LYPLAL1: variants seen among roughly 807,000 people sequenced by gnomAD.
The protein encoded by LYPLAL1 is lysophospholipase like 1, also known as lysophospholipase-like protein 1.
Under a neutral mutation model 19.7 loss-of-function variants are expected in LYPLAL1, and 23 were observed. That is an observed-to-expected ratio of 1.17 (90% CI 0.84 to 1.65). The LOEUF (loss-of-function observed/expected upper bound fraction) is 1.65, where lower values mean the gene tolerates loss of function less well. Ranked by LOEUF, LYPLAL1 falls within the 40% of genes most tolerant of loss-of-function variation. The pLI, the probability that LYPLAL1 is intolerant of heterozygous loss-of-function variation, is 0.00. For missense variants in LYPLAL1, 355 were observed against 279.4 expected, an observed-to-expected ratio of 1.27 and a Z score of -1.93; for synonymous variants, 119 against 96.3, an observed-to-expected ratio of 1.24 and a Z score of -1.38.
At chr1:219,333,067 C>T in the LYPLAL1 span, among the ~76,000 whole-genome samples, 1 of 152,018 alleles carries the variant, frequency 6.6e-6, no homozygotes, top group African/African-American at 2.4e-5. Context: ...GGTCATGTCC[C>T]TCTTACACTT....
At chr1:219,221,534 T>C in the LYPLAL1 span, among the ~76,000 whole-genome samples, 2 of 152,158 alleles carry the variant, frequency 1.3e-5, no homozygotes, top group Non-Finnish European at 2.9e-5. Flanking sequence ...ACAGTTCCCC[T>C]GGGGGTCGGG....
downstream of LYPLAL1, among the ~76,000 whole-genome samples, chr1:219,214,855 A>G (rs891149297): frequency 1.3e-5 from 2 of 151,748 alleles, no homozygotes; most frequent in Non-Finnish European, 1.5e-5. Flanking sequence ...ATCCCCAGCT[A>G]GTTTTTGTAT....
At chr1:219,323,353 G>A in the LYPLAL1 span, among the ~76,000 whole-genome samples, 1 of 152,170 alleles carries the variant, frequency 6.6e-6, no homozygotes, top group African/African-American at 2.4e-5. Flanking sequence ...CCTGTCAATA[G>A]TCCTGGTTTC....
At chr1:219,383,549 A>G in the LYPLAL1 span, among the ~76,000 whole-genome samples, 2 of 152,222 alleles carry the variant, frequency 1.3e-5, no homozygotes, top group South Asian at 4.1e-4. Context: ...CTTGAATTAC[A>G]TTCCCTAATA....
intron 2 of LYPLAL1, among the ~76,000 whole-genome samples, chr1:219,192,072 T>G (rs1657229028): frequency 6.6e-6 from 1 of 151,468 alleles, no homozygotes; most frequent in Non-Finnish European, 1.5e-5. Context: ...ATGGTGTAAT[T>G]TTGTTCCCTT....
chr1:219,223,527 CATT>C, the LYPLAL1 span, among the ~76,000 whole-genome samples: 2 of 152,090 alleles, frequency 1.3e-5, no homozygotes, highest in African/African-American at 4.8e-5. Flanking sequence ...GCTATCCTCT[CATT>C]ATTATGTGCT....
At chr1:219,276,449 GT>G in the LYPLAL1 span, among the ~76,000 whole-genome samples, 1 of 152,230 alleles carries the variant, frequency 6.6e-6, no homozygotes, top group East Asian at 1.9e-4. Flanking sequence ...AGCCAAGAAC[GT>G]TTCTTTATAA....
At chr1:219,201,520 G>A (rs1004063688) in intron 3 of LYPLAL1, among the ~76,000 whole-genome samples, 2 of 151,430 alleles carry the variant, frequency 1.3e-5, no homozygotes, top group Non-Finnish European at 2.9e-5. Context: ...ATTTCTTTTT[G>A]GAAGATATGT....
the LYPLAL1 span, among the ~76,000 whole-genome samples, chr1:219,367,764 T>C: frequency 6.6e-6 from 1 of 152,238 alleles, no homozygotes; most frequent in African/African-American, 2.4e-5. Context: ...TGGAGCTTTC[T>C]AGAGTTCCTA....
chr1:219,202,887 A>C (rs571641039), intron 3 of LYPLAL1, among the ~76,000 whole-genome samples: 2 of 151,142 alleles, frequency 1.3e-5, no homozygotes, highest in African/African-American at 4.9e-5. Context: ...GAGTCTCTCT[A>C]TGTTGCCCAG....
intron 3 of LYPLAL1, among the ~76,000 whole-genome samples, chr1:219,201,289 AAAAT>A (rs1299934489): frequency 6.6e-6 from 1 of 151,842 alleles, no homozygotes; most frequent in Non-Finnish European, 1.5e-5. Context: ...GGGTGAATAT[AAAAT>A]AAATTTTCTA....
chr1:219,333,243 C>T, the LYPLAL1 span, among the ~76,000 whole-genome samples: 1 of 152,050 alleles, frequency 6.6e-6, no homozygotes, highest in Admixed American at 6.6e-5. Flanking sequence ...TGCCATATAA[C>T]ACAACAAAGT....
chr1:219,238,304 ATTTTTTTTTTTT>A, the LYPLAL1 span, among the ~76,000 whole-genome samples: 2 of 81,904 alleles, frequency 2.4e-5, no homozygotes, highest in Non-Finnish European at 4.3e-5. Flanking sequence ...CGCCCGGCTA[ATTTTTTTTTTTT>A]TTTTTTTTTT....
At chr1:219,399,701 T>C in the LYPLAL1 span, among the ~76,000 whole-genome samples, 2 of 152,084 alleles carry the variant, frequency 1.3e-5, no homozygotes, top group East Asian at 3.9e-4. Flanking sequence ...CCGAGGCTGC[T>C]CTGCACACAA....
the LYPLAL1 span, among the ~76,000 whole-genome samples, chr1:219,431,603 C>T: frequency 1.3e-5 from 2 of 152,186 alleles, no homozygotes; most frequent in Admixed American, 6.5e-5. Flanking sequence ...CTGCTTCTTC[C>T]GTGGCCCTTA....
the LYPLAL1 span, among the ~76,000 whole-genome samples, chr1:219,277,584 C>T: frequency 2.6e-5 from 4 of 152,192 alleles, no homozygotes; most frequent in Non-Finnish European, 5.9e-5. Context: ...GAAAGCACCA[C>T]ATTTTAGGAT....
chr1:219,286,844 C>T, the LYPLAL1 span, among the ~76,000 whole-genome samples: 1 of 152,166 alleles, frequency 6.6e-6, no homozygotes, highest in African/African-American at 2.4e-5. Context: ...TTTTCATGGC[C>T]CATCATCTCT....
chr1:219,180,237 G>A (rs888809894), intron 2 of LYPLAL1, among the ~76,000 whole-genome samples: 3 of 152,134 alleles, frequency 2.0e-5, no homozygotes, highest in Non-Finnish European at 4.4e-5. Context: ...CACTCACCGC[G>A]GCCTCCCAAA....
chr1:219,343,758 C>T, the LYPLAL1 span, among the ~76,000 whole-genome samples: 1 of 152,062 alleles, frequency 6.6e-6, no homozygotes, highest in Non-Finnish European at 1.5e-5. Context: ...CATTCTGCAC[C>T]TTCTTTTGCT....
Sources: allele counts gnomAD v4.1 joint callset (sites outside exome capture counted in the v4.1 genomes callset), GRCh38; gene constraint gnomAD v4.1.1; transcripts MANE v1.5; gene names NCBI Gene and HGNC (gene_info 2026-07-23, HGNC 2026-07-21).